The following VDR variants were observed in gnomAD, a reference collection of about 807,000 sequenced individuals.
VDR encodes vitamin D receptor.
Under a neutral mutation model 39.7 loss-of-function variants are expected in VDR, and 19 were observed. The observed-to-expected ratio is 0.48, with a 90% CI of 0.33 to 0.70. The LOEUF is 0.70. Ranked by LOEUF, VDR falls within the 30% of genes least tolerant of loss-of-function variation. The pLI is 0.02. For synonymous variants in VDR, 242 were observed against 215.8 expected, an observed-to-expected ratio of 1.12 and a Z score of -1.07; for missense variants, 442 against 570.5, an observed-to-expected ratio of 0.77 and a Z score of 2.29.
chr12:47,849,432 C>T (rs891015796), intron 7 of VDR, among the ~76,000 whole-genome samples: 4 of 152,174 alleles, frequency 2.6e-5, no homozygotes, highest in Non-Finnish European at 4.4e-5. Flanking sequence ...TTGTTAGCGC[C>T]GAGATTAATG....
At chr12:47,882,828 C>T in intron 1 of VDR, 54 bp from the exon 2 acceptor site, 1 of 1,428,698 alleles carries the variant, frequency 7.0e-7, no homozygotes, top group Non-Finnish European at 9.5e-7. Flanking sequence ...GACCGCCTCC[C>T]CAGTCTCTAA....
chr12:47,875,103 C>G, intron 3 of VDR, among the ~76,000 whole-genome samples: 1 of 152,216 alleles, frequency 6.6e-6, no homozygotes, highest in Admixed American at 6.5e-5. Context: ...CAGCAATGGC[C>G]TCTAATGCCT....
At chr12:47,884,752 C>T (rs1946222249) in intron 1 of VDR, among the ~76,000 whole-genome samples, 1 of 152,102 alleles carries the variant, frequency 6.6e-6, no homozygotes, top group Non-Finnish European at 1.5e-5. Context: ...AGAGAACAAT[C>T]CCCAGGTCAT....
intron 1 of VDR, among the ~76,000 whole-genome samples, chr12:47,889,573 G>C (rs58579499): frequency 6.6e-6 from 1 of 152,214 alleles, no homozygotes; most frequent in Non-Finnish European, 1.5e-5. Flanking sequence ...CGCCTGGCCT[G>C]AGCTTTCTCT....
intron 2 of VDR, among the ~76,000 whole-genome samples, chr12:47,880,271 C>T (rs1046668686): frequency 3.9e-5 from 6 of 152,136 alleles, no homozygotes; most frequent in African/African-American, 7.2e-5. Flanking sequence ...TTCCTCCTGC[C>T]CTTGGGTGAC....
chr12:47,895,943 C>G (rs1454029149), intron 1 of VDR, among the ~76,000 whole-genome samples: 1 of 152,224 alleles, frequency 6.6e-6, no homozygotes, highest in African/African-American at 2.4e-5. Context: ...CATGACCCAC[C>G]TGGCCCTGGC....
At chr12:47,854,647 C>T (rs977559735) in intron 7 of VDR, among the ~76,000 whole-genome samples, 2 of 152,224 alleles carry the variant, frequency 1.3e-5, no homozygotes, top group African/African-American at 4.8e-5. Context: ...GGAGTGAACA[C>T]AGCAGTGAGC....
At chr12:47,856,379 G>C (rs929215374) in intron 6 of VDR, among the ~76,000 whole-genome samples, 32 of 152,046 alleles carry the variant, frequency 2.1e-4, no homozygotes, top group Non-Finnish European at 8.8e-5. Context: ...GAAAATTTCC[G>C]ATAAGTGTAA....
chr12:47,874,434 T>C (rs1288809420), intron 3 of VDR, among the ~76,000 whole-genome samples: 2 of 152,224 alleles, frequency 1.3e-5, no homozygotes, highest in Admixed American at 1.3e-4. Flanking sequence ...CTAGAAGAGC[T>C]ACAAATATCA....
At chr12:47,861,495 C>A (rs76185969) in intron 4 of VDR, among the ~76,000 whole-genome samples, 2 of 152,136 alleles carry the variant, frequency 1.3e-5, no homozygotes, top group Non-Finnish European at 2.9e-5. Context: ...CTGTGATTTA[C>A]GAAATAATTT....
chr12:47,869,931 T>TA (rs909559535), intron 3 of VDR, among the ~76,000 whole-genome samples: 2 of 150,748 alleles, frequency 1.3e-5, no homozygotes, highest in Non-Finnish European at 3.0e-5. Context: ...GTACTGGGGG[T>TA]AAAAAAAAAG....
At chr12:47,898,330 A>G (rs1344226852) in intron 1 of VDR, 1 of 152,218 alleles carries the variant, frequency 6.6e-6, no homozygotes, top group African/African-American at 2.4e-5. Flanking sequence ...ATCTAATGCA[A>G]CTTTTTCATT....
intron 3 of VDR, among the ~76,000 whole-genome samples, chr12:47,866,031 A>G (rs1020487044): frequency 2.0e-5 from 3 of 151,192 alleles, no homozygotes; most frequent in Non-Finnish European, 4.4e-5. Flanking sequence ...CGACTCTTAT[A>G]CTTATTTTAC....
intron 3 of VDR, among the ~76,000 whole-genome samples, chr12:47,866,514 G>C (rs1352764149): frequency 6.6e-6 from 1 of 152,226 alleles, no homozygotes; most frequent in East Asian, 1.9e-4. Context: ...CTAGAGACCT[G>C]TGACTGGAAT....
chr12:47,844,413 CT>C lies in VDR; in HGVS notation c.*332del. The C allele has an allele frequency of 2.0e-6, 1 of 501,964 alleles. No individual in the cohort carries two copies. Among genetic ancestry groups the C allele is most frequent in the Non-Finnish European group, 3.6e-6 (1 of 274,908 alleles). 31.1% of individuals were successfully genotyped at this position (501,964 alleles called of 1,614,324 possible). On this transcript the variant is annotated 3_prime_UTR_variant, in exon 10 of 10. Transcript: ENST00000549336. The stretch of plus-strand genomic sequence containing the variant: ...TGGATGCATTTCTCCTGTCTGTTCC[CT>C]CAACATCAGTCAGCAGCCACTTAGG...
At chr12:47,871,293 T>TCTTTCTTTCTTTCTTC (rs1293902896) in intron 3 of VDR, among the ~76,000 whole-genome samples, 568 of 8,486 alleles carry the variant, frequency 0.067, 11 homozygotes, top group African/African-American at 0.16. Context: ...TTTCTCTTTC[T>TCTTTCTTTCTTTCTTC]CTTTCTTTCT....
At chr12:47,850,358 T>C (rs922908244) in intron 7 of VDR, among the ~76,000 whole-genome samples, 37 of 152,204 alleles carry the variant, frequency 2.4e-4, no homozygotes, top group African/African-American at 8.7e-4. Flanking sequence ...CTTCCATTTA[T>C]CTATTTTTGA....
intron 3 of VDR, among the ~76,000 whole-genome samples, chr12:47,868,027 G>T (rs369586389): frequency 6.6e-6 from 1 of 152,206 alleles, no homozygotes; most frequent in Non-Finnish European, 1.5e-5. Context: ...GACCGTCAGT[G>T]TAACTCCCTC....
chr12:47,877,222 C>T (rs1329673108), intron 3 of VDR, among the ~76,000 whole-genome samples: 2 of 151,998 alleles, frequency 1.3e-5, no homozygotes, highest in Non-Finnish European at 2.9e-5. Context: ...CCCATCACTA[C>T]AAAAAAATCA....
Sources: gnomAD v4.1 joint callset for allele counts (sites outside exome capture counted in the v4.1 genomes callset) on GRCh38, gnomAD v4.1.1 for gene constraint, MANE v1.5 for transcripts, NCBI Gene and HGNC (gene_info 2026-07-23, HGNC 2026-07-21) for gene names.